The following DAB1 variants were observed in gnomAD, a reference collection of about 807,000 sequenced individuals.
DAB1 encodes the protein disabled homolog 1.
DAB1 carries 15 observed loss-of-function variants against 64.6 expected under a neutral mutation model. The ratio of observed to expected loss-of-function variants is 0.23; its 90% CI spans 0.16 to 0.36. The LOEUF is 0.36. Ranked by LOEUF, DAB1 falls within the 10% of genes least tolerant of loss-of-function variation. The pLI, the probability that DAB1 is intolerant of heterozygous loss-of-function variation, is 1.00. For missense variants in DAB1, 596 were observed against 706.7 expected, an observed-to-expected ratio of 0.84 and a Z score of 1.78; for synonymous variants, 235 against 251.9, an observed-to-expected ratio of 0.93 and a Z score of 0.64.
rs1320482046 is a variant in DAB1 at position 57,781,114 on chromosome 1, CTCTCTCTCTCTCTATATATATATATA to C, written n.551+102859_551+102884del. ...TCTCTCTCTCTCTCTCTCTCTCTCT[CTCTCTCTCTCTCTATATATATATATA>C]TATATATATATATATATATATATAT... On this transcript the variant is annotated intron_variant and non_coding_transcript_variant, in intron 6 of 20. Coordinates refer to the DAB1 transcript ENST00000485760. Among the ~76,000 whole-genome samples the C allele has an allele frequency of 1.9e-3, 122 of 62,712 alleles. 1 individual carries two copies. The highest frequency in any genetic ancestry group is 6.1e-3 in the East Asian group (15 of 2,464). 41.1% of individuals were successfully genotyped at this position (62,712 alleles called of 152,430 possible).
intron 14 of DAB1, among the ~76,000 whole-genome samples, chr1:57,004,967 C>G (rs1356595837): frequency 6.6e-6 from 1 of 152,164 alleles, no homozygotes; most frequent in Non-Finnish European, 1.5e-5. Context: ...ATGCTGGCAG[C>G]CTTCTTTTTC....
At chr1:58,004,182 T>C (rs1442979684) in intron 5 of DAB1, among the ~76,000 whole-genome samples, 3 of 152,184 alleles carry the variant, frequency 2.0e-5, no homozygotes, top group Non-Finnish European at 4.4e-5. Flanking sequence ...ACTTACACTC[T>C]TACATTTATT....
chr1:58,195,132 G>C (rs1434597657), intron 4 of DAB1, among the ~76,000 whole-genome samples: 1 of 137,718 alleles, frequency 7.3e-6, no homozygotes. Flanking sequence ...CCAGGAGAGA[G>C]AGAGAGAGAG....
intron 2 of DAB1, among the ~76,000 whole-genome samples, chr1:57,278,420 A>C (rs1055294939): frequency 5.3e-5 from 8 of 152,238 alleles, no homozygotes; most frequent in Non-Finnish European, 4.4e-5. Flanking sequence ...AATGATAGAA[A>C]AGACACAGTC....
intron 5 of DAB1, among the ~76,000 whole-genome samples, chr1:58,135,930 G>C (rs773235555): frequency 1.3e-5 from 2 of 151,794 alleles, no homozygotes; most frequent in Non-Finnish European, 2.9e-5. Context: ...TGTAGCCCTG[G>C]GCCATTCAGT....
intron 7 of DAB1, among the ~76,000 whole-genome samples, chr1:57,454,101 C>T (rs1019865349): frequency 7.2e-5 from 11 of 152,114 alleles, no homozygotes; most frequent in African/African-American, 2.4e-4. Flanking sequence ...GTTAGGTTTA[C>T]TATGCCAAGT....
intron 1 of DAB1, among the ~76,000 whole-genome samples, chr1:57,337,496 C>G (rs146260676): frequency 6.6e-6 from 1 of 152,172 alleles, no homozygotes; most frequent in Admixed American, 6.5e-5. Context: ...CTTAGGGAAG[C>G]CTTCCTCAGT....
intron 3 of DAB1, among the ~76,000 whole-genome samples, chr1:58,481,623 T>C (rs1184001934): frequency 2.0e-5 from 3 of 152,296 alleles, no homozygotes; most frequent in South Asian, 4.1e-4. Context: ...AAATTGATGA[T>C]AATAACCTAG....
intron 5 of DAB1, among the ~76,000 whole-genome samples, chr1:57,998,379 T>C (rs1646458409): frequency 6.8e-6 from 1 of 146,042 alleles, no homozygotes. Context: ...TCCTCATCTT[T>C]TTTTTCTCTC....
At chr1:57,330,557 G>C (rs756055976) in intron 1 of DAB1, among the ~76,000 whole-genome samples, 1 of 152,134 alleles carries the variant, frequency 6.6e-6, no homozygotes, top group Non-Finnish European at 1.5e-5. Context: ...TGTCCACAAA[G>C]CATCAAGCCC....
intron 2 of DAB1, among the ~76,000 whole-genome samples, chr1:57,219,609 C>A (rs1204965923): frequency 1.3e-5 from 2 of 152,130 alleles, no homozygotes; most frequent in African/African-American, 4.8e-5. Flanking sequence ...TATAAGACTC[C>A]ATTTTAGCAG....
chr1:57,072,553 AAG>A (rs1426330419), intron 4 of DAB1, 139 bp from the exon 5 acceptor site: 1 of 788,328 alleles, frequency 1.3e-6, no homozygotes, highest in Non-Finnish European at 2.0e-6. Flanking sequence ...TGGAAAGAAA[AAG>A]AGCTATGCCT....
intron 4 of DAB1, among the ~76,000 whole-genome samples, chr1:57,083,221 C>T (rs1339808334): frequency 2.6e-5 from 4 of 152,208 alleles, no homozygotes; most frequent in South Asian, 2.1e-4. Flanking sequence ...TAACTTGCCC[C>T]GGGTCACACA....
intron 4 of DAB1, among the ~76,000 whole-genome samples, chr1:57,135,407 T>C (rs1657995631): frequency 6.6e-6 from 1 of 152,226 alleles, no homozygotes. Flanking sequence ...TCTTCAAGGC[T>C]CATACACATT....
chr1:58,367,767 C>T (rs527352091), intron 3 of DAB1, among the ~76,000 whole-genome samples: 18 of 152,216 alleles, frequency 1.2e-4, no homozygotes, highest in East Asian at 9.7e-4. Flanking sequence ...CATTTTATGT[C>T]GGTGGAAGTA....
intron 5 of DAB1, among the ~76,000 whole-genome samples, chr1:58,043,781 G>T (rs918059129): frequency 1.3e-5 from 2 of 151,980 alleles, no homozygotes; most frequent in Admixed American, 6.6e-5. Context: ...AGGCTCAAGT[G>T]CAGTGGCACG....
At chr1:57,828,479 T>G (rs947343682) in intron 1 of DAB1, among the ~76,000 whole-genome samples, 2 of 152,204 alleles carry the variant, frequency 1.3e-5, no homozygotes, top group Non-Finnish European at 2.9e-5. Flanking sequence ...TTTCTTTGTG[T>G]TCTGGCTTTT....
At chr1:57,167,271 A>G (rs2100908612) in intron 2 of DAB1, among the ~76,000 whole-genome samples, 1 of 152,290 alleles carries the variant, frequency 6.6e-6, no homozygotes, top group Non-Finnish European at 1.5e-5. Context: ...GACATGGGAT[A>G]TGCTCTCAGG....
At chr1:58,193,855 TAA>T in intron 4 of DAB1, among the ~76,000 whole-genome samples, 1 of 136,404 alleles carries the variant, frequency 7.3e-6, no homozygotes, top group South Asian at 2.3e-4. Context: ...AAACTCTGTC[TAA>T]AAAAAAAAAG....
Sources: allele counts gnomAD v4.1 joint callset (sites outside exome capture counted in the v4.1 genomes callset), GRCh38; gene constraint gnomAD v4.1.1; transcripts MANE v1.5; gene names NCBI Gene and HGNC (gene_info 2026-07-23, HGNC 2026-07-21).